The following FAM200C variants were observed in gnomAD, a reference collection of about 807,000 sequenced individuals.
the FAM200C span, among the ~76,000 whole-genome samples, chr5:160,396,200 T>C: frequency 6.6e-6 from 1 of 151,280 alleles, no homozygotes; most frequent in African/African-American, 2.4e-5. Context: ...ATTATCCACG[T>C]CCATGTGTAC....
At chr5:160,393,889 G>A in the FAM200C span, 1 of 1,614,098 alleles carries the variant, frequency 6.2e-7, no homozygotes, top group Non-Finnish European at 8.5e-7. Flanking sequence ...ATGGCATAAG[G>A]ATTTCTAGAG....
At chr5:160,395,459 T>C in the FAM200C span, 292 of 1,614,012 alleles carry the variant, frequency 1.8e-4, no homozygotes, top group Non-Finnish European at 2.3e-4. Flanking sequence ...GTAGCGAACA[T>C]AGTCATCATC....
chr5:160,394,304 AT>A, the FAM200C span: 3 of 1,613,914 alleles, frequency 1.9e-6, no homozygotes, highest in Non-Finnish European at 2.5e-6. Context: ...TACTGTGTTC[AT>A]CCCAGTCCTC....
At chr5:160,397,011 G>A in the FAM200C span, among the ~76,000 whole-genome samples, 1 of 152,198 alleles carries the variant, frequency 6.6e-6, no homozygotes, top group East Asian at 1.9e-4. Flanking sequence ...AAGTATTTTA[G>A]ATAATTCTTA....
the FAM200C span, chr5:160,395,179 C>A: frequency 6.2e-7 from 1 of 1,613,812 alleles, no homozygotes; most frequent in Non-Finnish European, 8.5e-7. Context: ...GATTCTTCTC[C>A]TTGGCACATA....
chr5:160,395,045 C>G, the FAM200C span: 10 of 1,613,818 alleles, frequency 6.2e-6, no homozygotes, highest in Non-Finnish European at 6.8e-6. Context: ...TTCATCAATT[C>G]TAGAATGGAT....
At chr5:160,396,114 C>T in the FAM200C span, among the ~76,000 whole-genome samples, 1 of 152,106 alleles carries the variant, frequency 6.6e-6, no homozygotes, top group South Asian at 2.1e-4. Context: ...ATACATTGTA[C>T]TCATTATTTC....
chr5:160,395,511 T>C, the FAM200C span: 89 of 1,596,546 alleles, frequency 5.6e-5, no homozygotes, highest in Non-Finnish European at 7.0e-5. Context: ...AATTCTCAGG[T>C]AGTATTCCAG....
the FAM200C span, chr5:160,395,308 A>G: frequency 1.9e-6 from 3 of 1,614,094 alleles, no homozygotes; most frequent in African/African-American, 1.3e-5. Context: ...TATTGAGATC[A>G]TGCCCAGCTA....
chr5:160,397,883 T>C, the FAM200C span, among the ~76,000 whole-genome samples: 1 of 152,244 alleles, frequency 6.6e-6, no homozygotes, highest in Non-Finnish European at 1.5e-5. Flanking sequence ...TTAATGTATA[T>C]TTATCATGTA....
At chr5:160,399,223 A>T in the FAM200C span, among the ~76,000 whole-genome samples, 38 of 152,270 alleles carry the variant, frequency 2.5e-4, no homozygotes, top group Non-Finnish European at 5.3e-4. Context: ...CTGATATAAC[A>T]AAGTAAAATG....
At chr5:160,394,547 A>G in the FAM200C span, 1 of 1,614,178 alleles carries the variant, frequency 6.2e-7, no homozygotes, top group Non-Finnish European at 8.5e-7. Context: ...AATTTCTTCA[A>G]AGAAAGCCTG....
At chr5:160,395,036 T>C in the FAM200C span, 1 of 1,613,944 alleles carries the variant, frequency 6.2e-7, no homozygotes, top group Non-Finnish European at 8.5e-7. Flanking sequence ...CTGGCTCATT[T>C]CATCAATTCT....
chr5:160,393,582 AT>A, the FAM200C span: 1 of 759,720 alleles, frequency 1.3e-6, no homozygotes, highest in South Asian at 1.8e-5. Flanking sequence ...CTCATTCAAA[AT>A]TAAAGTTCTT....
chr5:160,393,963 T>C, the FAM200C span: 3 of 1,613,972 alleles, frequency 1.9e-6, no homozygotes, highest in Non-Finnish European at 2.5e-6. Flanking sequence ...AGCTTCATTG[T>C]CTCAAATTCC....
At chr5:160,394,837 A>G in the FAM200C span, 2 of 1,613,714 alleles carry the variant, frequency 1.2e-6, no homozygotes, top group South Asian at 2.2e-5. Context: ...GATTGAACAC[A>G]TCTATTCCTT....
chr5:160,393,955 CTTCA>C, the FAM200C span: 2 of 1,613,892 alleles, frequency 1.2e-6, no homozygotes, highest in Non-Finnish European at 8.5e-7. Context: ...AATCCTCAAG[CTTCA>C]TTGTCTCAAA....
At chr5:160,393,654 A>C in the FAM200C span, 3,391 of 1,273,556 alleles carry the variant, frequency 2.7e-3, 73 homozygotes, top group African/African-American at 0.047. Context: ...ATTACAGCTT[A>C]ATTTTACAAT....
the FAM200C span, among the ~76,000 whole-genome samples, chr5:160,398,871 G>A: frequency 6.6e-6 from 1 of 152,162 alleles, no homozygotes; most frequent in South Asian, 2.1e-4. Flanking sequence ...TTGTTAAACA[G>A]GCATGATAAT....
Sources: gnomAD v4.1 joint callset for allele counts (sites outside exome capture counted in the v4.1 genomes callset) on GRCh38, gnomAD v4.1.1 for gene constraint, MANE v1.5 for transcripts.